The following KCTD1 variants were observed in gnomAD, a reference collection of about 807,000 sequenced individuals.
The protein encoded by KCTD1 is potassium channel tetramerization domain containing 1, also known as BTB/POZ domain-containing protein KCTD1.
In KCTD1, 24 loss-of-function variants were observed where a neutral mutation model predicts 66.0. That is an observed-to-expected ratio of 0.36 (90% CI 0.26 to 0.51). The LOEUF is 0.51. Among genes scored for constraint, KCTD1 ranks in the 20% least tolerant of loss-of-function variants. KCTD1 has a pLI of 0.95. For missense variants in KCTD1, 943 were observed against 1,205.2 expected, an observed-to-expected ratio of 0.78 and a Z score of 3.22; for synonymous variants, 511 against 517.2, an observed-to-expected ratio of 0.99 and a Z score of 0.16.
intron 1 of KCTD1, among the ~76,000 whole-genome samples, chr18:26,514,288 C>T (rs961387058): frequency 2.0e-5 from 3 of 152,122 alleles, no homozygotes; most frequent in Admixed American, 1.3e-4. Context: ...CACAGTGGCT[C>T]ATGCTTATAA....
At chr18:26,560,902 G>A (rs990912435) in intron 1 of KCTD1, among the ~76,000 whole-genome samples, 62 of 152,268 alleles carry the variant, frequency 4.1e-4, no homozygotes, top group African/African-American at 1.3e-3. Context: ...CCCTTTCAAC[G>A]CAGTAAATCA....
chr18:26,534,408 C>T (rs1984591825), intron 1 of KCTD1, among the ~76,000 whole-genome samples: 1 of 151,844 alleles, frequency 6.6e-6, no homozygotes, highest in South Asian at 2.1e-4. Context: ...TTATTTTATC[C>T]TTGCCAAAGA....
Position 26,547,536 on chromosome 18 carries a change from A to G in KCTD1, c.1001T>C (p.Phe334Ser). ...ACCGTCCTCGTCCATGGCCAGCCCAAAAGAGTCCTCCTCCAACTCACGCTG... is the reference window on the plus strand; with the variant it reads ...ACCGTCCTCGTCCATGGCCAGCCCAGAAGAGTCCTCCTCCAACTCACGCTG... ...ENQRELEEDS[F>S]GLAMDEDGRK... Residue 334 changes from phenylalanine to serine, a missense_variant, in exon 1 of 5, where the codon TTT (phenylalanine) becomes TCT (serine). Physicochemically the swap from Phe to Ser is radical, Grantham distance 155. This residue lies in a region of KCTD1 where 66 missense variants were observed against 61.6 expected (regional missense o/e 1.07). Transcript: ENST00000580059. 6.4e-7 allele frequency: 1 copy of G among 1,551,622 alleles called. No individual in the cohort carries two copies. The highest frequency in any genetic ancestry group is 8.7e-7 in the Non-Finnish European group (1 of 1,146,986).
At chr18:26,508,022 G>C (rs1426949787) in intron 1 of KCTD1, among the ~76,000 whole-genome samples, 2 of 152,066 alleles carry the variant, frequency 1.3e-5, no homozygotes, top group African/African-American at 4.8e-5. Context: ...CCTCCAATCA[G>C]AACACTTTAC....
At chr18:26,537,056 G>A (rs930370014) in intron 1 of KCTD1, among the ~76,000 whole-genome samples, 9 of 152,116 alleles carry the variant, frequency 5.9e-5, no homozygotes, top group African/African-American at 1.9e-4. Flanking sequence ...ACGAACATGT[G>A]AAAGAACTCT....
At chr18:26,505,589 C>T (rs894331165) in intron 1 of KCTD1, among the ~76,000 whole-genome samples, 3 of 152,216 alleles carry the variant, frequency 2.0e-5, no homozygotes, top group Admixed American at 2.0e-4. Flanking sequence ...CAGGGTCTTG[C>T]TCTGTTGCCC....
chr18:26,494,667 CA>C (rs1447201703), intron 2 of KCTD1, among the ~76,000 whole-genome samples: 1 of 151,724 alleles, frequency 6.6e-6, no homozygotes, highest in African/African-American at 2.4e-5. Context: ...AACTGAGGAG[CA>C]ATTTTGGAAA....
chr18:26,467,459 A>T (rs928187361), intron 3 of KCTD1, among the ~76,000 whole-genome samples: 1 of 152,208 alleles, frequency 6.6e-6, no homozygotes, highest in Admixed American at 6.5e-5. Flanking sequence ...TTGAGACTGC[A>T]GTGAGCTATG....
chr18:26,556,678 C>T (rs184274363), intron 1 of KCTD1, among the ~76,000 whole-genome samples: 17 of 152,262 alleles, frequency 1.1e-4, no homozygotes, highest in East Asian at 3.9e-4. Context: ...TTAACACTCT[C>T]GATTTCTTCT....
At chr18:26,483,759 G>A (rs1981770747) in intron 2 of KCTD1, among the ~76,000 whole-genome samples, 1 of 152,182 alleles carries the variant, frequency 6.6e-6, no homozygotes, top group African/African-American at 2.4e-5. Flanking sequence ...GTGTGTGTGT[G>A]TGTGTGTGCA....
chr18:26,617,087 A>G (rs931217087), intron 1 of KCTD1, among the ~76,000 whole-genome samples: 1 of 152,168 alleles, frequency 6.6e-6, no homozygotes, highest in African/African-American at 2.4e-5. Context: ...TGGAGTAAGG[A>G]AGAGAAAGGG....
At position 26,459,929 on chromosome 18, in the gene KCTD1, GA is replaced by G. The variant is rs754214648; in HGVS notation, c.2134-5del. ...CTTCATATAACAAAGTGTAGTCCTG[GA>G]AAAAAAAAAGGTATTTCACAGTGCA... On this transcript the variant is annotated splice_region_variant and splice_polypyrimidine_tract_variant and intron_variant, in intron 3 of 4. Coordinates refer to ENST00000580059, the MANE Select transcript of KCTD1 (RefSeq NM_001142730.3). The G allele has an allele frequency of 1.1e-3, 1,582 of 1,393,746 alleles. No homozygotes were observed. Among genetic ancestry groups the G allele is most frequent in the Middle Eastern group, 4.4e-3 (23 of 5,222 alleles). 86.3% of individuals were successfully genotyped at this position (1,393,746 alleles called of 1,614,324 possible).
At chr18:26,528,361 A>G (rs1003301271) in intron 1 of KCTD1, among the ~76,000 whole-genome samples, 4 of 152,152 alleles carry the variant, frequency 2.6e-5, no homozygotes, top group African/African-American at 9.7e-5. Context: ...ACGTGGGTCA[A>G]TCTTTTCCTT....
upstream of KCTD1, among the ~76,000 whole-genome samples, chr18:26,552,979 TTTTC>T (rs1474811532): frequency 1.4e-4 from 21 of 150,450 alleles, no homozygotes; most frequent in South Asian, 4.4e-3. Context: ...AGAGGTTTCT[TTTTC>T]TTTCTTTTTT....
chr18:26,654,588 ATAAT>A (rs1390217695), intron 1 of KCTD1, among the ~76,000 whole-genome samples: 1 of 152,224 alleles, frequency 6.6e-6, no homozygotes, highest in African/African-American at 2.4e-5. Context: ...TGCTTCAGGC[ATAAT>A]TAATACAGCA....
chr18:26,501,838 G>C (rs1982776870), intron 1 of KCTD1, among the ~76,000 whole-genome samples: 2 of 152,202 alleles, frequency 1.3e-5, no homozygotes, highest in Admixed American at 1.3e-4. Flanking sequence ...TCAGTCAACA[G>C]AATATACCCT....
chr18:26,501,101 C>T lies in KCTD1; in HGVS notation c.1959G>A (p.Leu653=). ...ATTCAGGGTATTTGGTGAGGGTGGC[C>T]AGGCTGCTGGTGTACATGTGGCCGC... ...DVGGHMYTSS[L]ATLTKYPESR... The change falls in exon 2 of 5, where the codon CTG becomes CTA. Residue 653 remains leucine (L), a synonymous_variant. Transcript: ENST00000580059. 1 of 1,613,806 alleles carries T rather than the reference C, an allele frequency of 6.2e-7. No homozygotes were observed. Among genetic ancestry groups the T allele is most frequent in the Non-Finnish European group, 8.5e-7 (1 of 1,179,796 alleles).
chr18:26,512,997 T>C (rs529506864), intron 1 of KCTD1, among the ~76,000 whole-genome samples: 10 of 152,138 alleles, frequency 6.6e-5, no homozygotes, highest in African/African-American at 2.2e-4. Flanking sequence ...ATTTTTTTTT[T>C]CAATCAAATT....
intron 1 of KCTD1, among the ~76,000 whole-genome samples, chr18:26,596,153 T>G (rs565584987): frequency 6.6e-6 from 1 of 152,302 alleles, no homozygotes; most frequent in South Asian, 2.1e-4. Flanking sequence ...CTAACTCGCA[T>G]GTGATAATAT....
Sources: gnomAD v4.1 joint callset for allele counts (sites outside exome capture counted in the v4.1 genomes callset) on GRCh38, gnomAD v4.1.1 for gene constraint, gnomAD v4.1.1 regional missense constraint, MANE v1.5 for transcripts, NCBI Gene and HGNC (gene_info 2026-07-23, HGNC 2026-07-21) for gene names.